Variants in CLASP2 observed in about 807,000 individuals in gnomAD.
CLASP2 encodes the protein cytoplasmic linker associated protein 2.
Under a neutral mutation model 194.4 loss-of-function variants are expected in CLASP2, and 47 were observed. The ratio of observed to expected loss-of-function variants is 0.24; its 90% CI spans 0.19 to 0.31. The LOEUF (loss-of-function observed/expected upper bound fraction) is 0.31, where lower values mean the gene tolerates loss of function less well. Among genes scored for constraint, CLASP2 ranks in the 10% least tolerant of loss-of-function variants. CLASP2 has a pLI of 1.00. For synonymous variants in CLASP2, 619 were observed against 633.5 expected (o/e 0.98, Z 0.34); for missense variants, 1,445 against 1,823.6 (o/e 0.79, Z 3.78).
At position 33,571,099 on chromosome 3, in the gene CLASP2, C is replaced by T. The variant is rs546342569; in HGVS notation, c.2700-309G>A. On this transcript the variant is annotated intron_variant, in intron 25 of 38. Transcript: ENST00000682230. ...CGCGATCTCGGCTCACTGCAGGCTC[C>T]GCCCCCCGGGTTCACGCCATTCTCC... 1.2e-4 allele frequency among the ~76,000 whole-genome samples: 18 copies of T among 149,744 alleles called. No homozygotes were observed. The South Asian group carries it at 3.4e-3, about 28-fold the overall frequency.
chr3:33,694,925 A>C (rs2091713948), intron 2 of CLASP2, among the ~76,000 whole-genome samples: 1 of 152,120 alleles, frequency 6.6e-6, no homozygotes, highest in African/African-American at 2.4e-5. Context: ...CCTGGGTGAC[A>C]GAGCAAGATC....
At chr3:33,656,793 AATG>A (rs2084307347) in intron 7 of CLASP2, among the ~76,000 whole-genome samples, 1 of 135,782 alleles carries the variant, frequency 7.4e-6, no homozygotes, top group South Asian at 2.3e-4. Flanking sequence ...CGTTTTAAAA[AATG>A]ATGCGAAATA....
At chr3:33,557,124 A>T (rs1456942436) in intron 29 of CLASP2, among the ~76,000 whole-genome samples, 1 of 151,118 alleles carries the variant, frequency 6.6e-6, no homozygotes, top group Non-Finnish European at 1.5e-5. Context: ...CAGGTGCCCA[A>T]CATCACCCCT....
chr3:33,513,309 C>T (rs113339939), intron 36 of CLASP2, among the ~76,000 whole-genome samples: 10,867 of 152,192 alleles, frequency 0.071, 487 homozygotes, highest in Admixed American at 0.097. Flanking sequence ...GAGGCCAAGC[C>T]AGGCAGATCA....
intron 29 of CLASP2, among the ~76,000 whole-genome samples, chr3:33,552,404 A>G (rs1046128865): frequency 6.6e-6 from 1 of 152,188 alleles, no homozygotes; most frequent in East Asian, 1.9e-4. Flanking sequence ...GGCGTGAGCC[A>G]CCGTGCCCGG....
chr3:33,636,606 T>C (rs2080189245), intron 8 of CLASP2, among the ~76,000 whole-genome samples: 1 of 152,176 alleles, frequency 6.6e-6, no homozygotes, highest in South Asian at 2.1e-4. Context: ...AAAATTTTTG[T>C]TTGTTTATTT....
chr3:33,519,925 A>T (rs2052501639), intron 34 of CLASP2, among the ~76,000 whole-genome samples: 1 of 152,248 alleles, frequency 6.6e-6, no homozygotes, highest in Non-Finnish European at 1.5e-5. Flanking sequence ...TGTGATCCTT[A>T]GTAAAGGAGA....
intron 2 of CLASP2, among the ~76,000 whole-genome samples, chr3:33,691,322 A>T (rs1444349051): frequency 2.6e-5 from 4 of 152,252 alleles, no homozygotes; most frequent in Non-Finnish European, 5.9e-5. Context: ...ATTTATAGAC[A>T]CATATAATTA....
intron 27 of CLASP2, among the ~76,000 whole-genome samples, chr3:33,565,429 C>T (rs1165827187): frequency 6.6e-6 from 1 of 152,130 alleles, no homozygotes; most frequent in African/African-American, 2.4e-5. Context: ...GATCTGCCCA[C>T]CTCAGCCTCC....
chr3:33,579,279 T>C (rs2065524246), intron 23 of CLASP2, among the ~76,000 whole-genome samples: 1 of 152,210 alleles, frequency 6.6e-6, no homozygotes, highest in Admixed American at 6.5e-5. Flanking sequence ...AATTGTCAAA[T>C]GGAAGCTTTG....
intron 8 of CLASP2, among the ~76,000 whole-genome samples, chr3:33,643,432 G>A (rs2081692263): frequency 6.6e-6 from 1 of 151,714 alleles, no homozygotes; most frequent in African/African-American, 2.4e-5. Flanking sequence ...GCGGTAAATA[G>A]GAATGCAACA....
At chr3:33,644,306 T>C (rs1391444533) in intron 8 of CLASP2, 1 of 163,738 alleles carries the variant, frequency 6.1e-6, no homozygotes, top group African/African-American at 2.4e-5. Context: ...TGACAAATGA[T>C]TCAGTACCCA....
intron 27 of CLASP2, among the ~76,000 whole-genome samples, chr3:33,565,046 T>C (rs1413746712): frequency 6.6e-6 from 1 of 152,134 alleles, no homozygotes; most frequent in Non-Finnish European, 1.5e-5. Flanking sequence ...ACCCCTGAGA[T>C]AGCAACACCA....
At chr3:33,711,767 T>G (rs778478681) in intron 1 of CLASP2, among the ~76,000 whole-genome samples, 1 of 151,822 alleles carries the variant, frequency 6.6e-6, no homozygotes, top group Non-Finnish European at 1.5e-5. Context: ...AACAAACATA[T>G]GAAAAAATGT....
chr3:33,640,875 A>C (rs1194364584), intron 8 of CLASP2, among the ~76,000 whole-genome samples: 1 of 152,082 alleles, frequency 6.6e-6, no homozygotes, highest in East Asian at 1.9e-4. Context: ...TTTGCTGGGA[A>C]TCATACTAGT....
At chr3:33,622,879 C>T (rs569469645) in intron 10 of CLASP2, among the ~76,000 whole-genome samples, 1 of 144,818 alleles carries the variant, frequency 6.9e-6, no homozygotes, top group East Asian at 1.9e-4. Flanking sequence ...GCCACTGCAG[C>T]TCCACTGCAA....
chr3:33,690,488 T>C (rs1427750151), intron 2 of CLASP2, among the ~76,000 whole-genome samples: 2 of 152,166 alleles, frequency 1.3e-5, no homozygotes, highest in Non-Finnish European at 2.9e-5. Flanking sequence ...CTTTCTATAA[T>C]ATGCCACCTA....
intron 24 of CLASP2, chr3:33,573,585 A>G (rs545103799): frequency 1.8e-6 from 1 of 563,152 alleles, no homozygotes; most frequent in African/African-American, 1.9e-5. Context: ...AAGCAGAGTA[A>G]GACTATATGG....
intron 29 of CLASP2, among the ~76,000 whole-genome samples, chr3:33,556,207 G>A (rs999565936): frequency 6.6e-6 from 1 of 152,090 alleles, no homozygotes. Context: ...TGAAAGAGAT[G>A]TAAAATTTTA....
Sources: gnomAD v4.1 joint callset for allele counts (sites outside exome capture counted in the v4.1 genomes callset) on GRCh38, gnomAD v4.1.1 for gene constraint, MANE v1.5 for transcripts, NCBI Gene and HGNC (gene_info 2026-07-23, HGNC 2026-07-21) for gene names.